DVL1: variants seen among roughly 807,000 people sequenced by gnomAD.
DVL1 encodes dishevelled segment polarity protein 1, also known as segment polarity protein dishevelled homolog DVL-1.
Under a neutral mutation model 65.0 loss-of-function variants are expected in DVL1, and 49 were observed. The observed-to-expected ratio is 0.75, with a 90% confidence interval of 0.60 to 0.96. The LOEUF is 0.96. Among genes scored for constraint, DVL1 ranks in the 40% least tolerant of loss-of-function variants. The probability of loss-of-function intolerance (pLI) is 0.00; values close to 1 mark genes in which losing one functional copy is unlikely to be tolerated. For missense variants in DVL1, 1,197 were observed against 1,045.4 expected (o/e 1.15, Z -2.00); for synonymous variants, 608 against 433.9 (o/e 1.40, Z -4.99).
In DVL1 at chr1:1,340,667, A is replaced by G. The variant is rs368154290; in HGVS notation, c.606-164T>C. The stretch of plus-strand genomic sequence containing the variant: ...CCCAGGCCCTGCACACGTGATATGC[A>G]TATGAGCACACACGAAAATCCCAGA... On this transcript the variant is annotated intron_variant, in intron 5 of 14. Coordinates refer to ENST00000378888, the MANE Select transcript of DVL1 (RefSeq NM_001330311.2). Among the ~76,000 whole-genome samples the G allele has an allele frequency of 3.0e-4, 46 of 152,276 alleles. 2 individuals are homozygous for G. In the East Asian group the frequency reaches 3.9e-3, roughly 13 times the overall value.
chr1:1,341,887 C>A, intron 4 of DVL1, 82 bp from the exon 5 acceptor site: 1 of 1,485,486 alleles, frequency 6.7e-7, no homozygotes. Context: ...GTGCTGCATG[C>A]CTGTGGGTCT....
intron 5 of DVL1, among the ~76,000 whole-genome samples, chr1:1,340,968 C>A (rs1414801658): frequency 6.8e-6 from 1 of 146,528 alleles, no homozygotes; most frequent in Non-Finnish European, 1.5e-5. Context: ...CACTACACAC[C>A]TGCACAGGCA....
At chr1:1,346,960 A>G (rs887044580) in intron 1 of DVL1, among the ~76,000 whole-genome samples, 1 of 152,182 alleles carries the variant, frequency 6.6e-6, no homozygotes, top group Non-Finnish European at 1.5e-5. Flanking sequence ...CGGGGGTTCT[A>G]TTCCACAGAA....
chr1:1,338,832 G>C (rs899409624), intron 11 of DVL1, among the ~76,000 whole-genome samples, 179 bp from the exon 12 acceptor site: 5 of 152,204 alleles, frequency 3.3e-5, no homozygotes, highest in Non-Finnish European at 4.4e-5. Flanking sequence ...GGCGTGAGCA[G>C]GGGGGTTGGA....
chr1:1,340,447 C>G lies in DVL1; in HGVS notation c.662G>C (p.Arg221Pro). Residue 221 changes from arginine to proline, a missense_variant, in exon 6 of 15, where the codon CGC becomes CCC. Coordinates refer to ENST00000378888, the MANE Select transcript of DVL1 (RefSeq NM_001330311.2). ...TSSRLIRKHK[R>P]RRRKQRLRQA... ...CCGAAGGCGCTGCTTCCTCCGCCGG[C>G]GTTTGTGCTTCCGGATGAGTCTGGA... 6.2e-7 allele frequency: 1 copy of G among 1,612,080 alleles called. No homozygotes were observed. Among genetic ancestry groups the G allele is most frequent in the Non-Finnish European group, 8.5e-7 (1 of 1,179,328 alleles).
chr1:1,348,855 G>A (rs746277760), intron 1 of DVL1, 41 bp downstream of exon 1: 35 of 1,467,242 alleles, frequency 2.4e-5, no homozygotes, highest in Admixed American at 9.2e-5. Context: ...TGCGACCCCC[G>A]AGCCCGCGCC....
At position 1,342,002 on chromosome 1, in the gene DVL1, G is replaced by T. The variant is rs750486073; in HGVS notation, c.466+51C>A. Reference sequence around the variant, plus strand: ...GCTGTAGTAGGAACATGGCTCATGGGGGTCCCAGGGAGGCTGGGGGTCCAC... The same window carrying T: ...GCTGTAGTAGGAACATGGCTCATGGTGGTCCCAGGGAGGCTGGGGGTCCAC... On this transcript the variant is annotated intron_variant, in intron 4 of 14. Coordinates refer to ENST00000378888, the MANE Select transcript of DVL1 (RefSeq NM_001330311.2). The T allele has an allele frequency of 3.3e-5, 49 of 1,500,824 alleles. 1 individual carries two copies. In the South Asian group the frequency reaches 5.4e-4, roughly 17 times the overall value. 93.0% of individuals were successfully genotyped at this position (1,500,824 alleles called of 1,614,324 possible). A position where few individuals can be genotyped will look rare whatever the true frequency, so the allele number is the denominator to read the frequency against.
chr1:1,341,057 ATGCACACCTGCACACACGCACCCC>A (rs1339730872), intron 5 of DVL1, among the ~76,000 whole-genome samples: 2 of 142,992 alleles, frequency 1.4e-5, no homozygotes, highest in African/African-American at 5.4e-5. Context: ...CTGCACACAC[ATGCACACCTGCACACACGCACCCC>A]TGCACACAGG....
At chr1:1,339,529 C>T (rs1220697403) in intron 10 of DVL1, 53 bp downstream of exon 10, 1 of 1,560,244 alleles carries the variant, frequency 6.4e-7, no homozygotes, top group Non-Finnish European at 8.7e-7. Flanking sequence ...GGCCTTCAGG[C>T]TAGGTAGGCG....
At position 1,342,432 on chromosome 1, in the gene DVL1, C is replaced by T; in HGVS notation, c.293G>A (p.Ser98Asn). 1 of 1,599,920 alleles carries T rather than the reference C, an allele frequency of 6.3e-7. No individual in the cohort carries two copies. Residue 98 changes from serine (S) to asparagine (N), a missense_variant, in exon 3 of 15, where the codon AGC becomes AAC. Transcript: ENST00000378888. ...AAGAGGCGGGGGCAGGTCTGTGTGGCTGTCCGTGCCCTGGGACCCCGCATC... is the reference window on the plus strand; with the variant it reads ...AAGAGGCGGGGGCAGGTCTGTGTGGTTGTCCGTGCCCTGGGACCCCGCATC... ...HSDAGSQGTD[S>N]HTDLPPPLER...
At chr1:1,343,402 C>T (rs546105304) in intron 1 of DVL1, among the ~76,000 whole-genome samples, 1 of 152,310 alleles carries the variant, frequency 6.6e-6, no homozygotes, top group South Asian at 2.1e-4. Flanking sequence ...TCCACCGCTC[C>T]ACCTCCCAGC....
At chr1:1,345,416 C>G (rs879834501) in intron 1 of DVL1, among the ~76,000 whole-genome samples, 59 of 152,288 alleles carry the variant, frequency 3.9e-4, no homozygotes, top group Admixed American at 3.3e-3. Context: ...CCAGGCAGAG[C>G]CCTGCCGTCC....
In DVL1 at chr1:1,342,119, CGTT is replaced by C. The variant is rs746293279; in HGVS notation, c.397_399del (p.Asn133del). 85 of 1,591,548 alleles carry C rather than the reference CGTT, an allele frequency of 5.3e-5. No individual in the cohort carries two copies. In the Middle Eastern group the frequency reaches 8.3e-4, roughly 15 times the overall value. ...CTGACCATGGACTCCGTGCCTGTCT[CGTT>C]GTCCATCCCGTCACGGCTGCTGGCC... On this transcript the variant is annotated inframe_deletion, in exon 4 of 15. Coordinates refer to ENST00000378888, the MANE Select transcript of DVL1 (RefSeq NM_001330311.2).
intron 1 of DVL1, among the ~76,000 whole-genome samples, chr1:1,342,973 C>A (rs1643871551): frequency 6.6e-6 from 1 of 151,598 alleles, no homozygotes; most frequent in Admixed American, 6.6e-5. Flanking sequence ...GCGGACACCC[C>A]TGCTAACGCA....
At chr1:1,345,187 T>A (rs1643898765) in intron 1 of DVL1, among the ~76,000 whole-genome samples, 1 of 151,928 alleles carries the variant, frequency 6.6e-6, no homozygotes, top group Admixed American at 6.5e-5. Flanking sequence ...GCCTGGGATG[T>A]CCCTGCCCCC....
rs930673784 is a variant in DVL1 at position 1,335,728 on chromosome 1, C to A, written c.*414G>T. 2 of 181,122 alleles carry A rather than the reference C, an allele frequency of 1.1e-5. No homozygotes were observed. Among genetic ancestry groups the A allele is most frequent in the African/African-American group, 2.4e-5 (1 of 41,964 alleles). The allele number at this position is 181,122 out of a possible 1,614,324, so 11.2% of individuals were successfully genotyped here. On this transcript the variant is annotated 3_prime_UTR_variant, in exon 15 of 15. Coordinates refer to ENST00000378888, the MANE Select transcript of DVL1 (RefSeq NM_001330311.2). ...CTCCTCCCCCGAGTCACCGGCCAGG[C>A]AATAAATAAATAAATTAGATCCCTA...
rs757734049 is a variant in DVL1 at position 1,342,428 on chromosome 1, G to A, written c.297C>T (p.His99=). The change falls in exon 3 of 15, where the codon CAC becomes CAT. Residue 99 remains histidine, a synonymous_variant. Transcript: ENST00000378888. ...GCTCAAGAGGCGGGGGCAGGTCTGT[G>A]TGGCTGTCCGTGCCCTGGGACCCCG... The part of the protein sequence containing the change: ...SDAGSQGTDS[H]TDLPPPLERT... The A allele has an allele frequency of 8.1e-6, 13 of 1,598,080 alleles. No homozygotes were observed. In the African/African-American group the frequency reaches 1.6e-4, roughly 20 times the overall value.
chr1:1,343,559 T>TA (rs1481027877), intron 1 of DVL1, among the ~76,000 whole-genome samples: 2 of 152,286 alleles, frequency 1.3e-5, no homozygotes, highest in East Asian at 3.9e-4. Flanking sequence ...CCTATGGCCC[T>TA]ACTCCACCCT....
rs1643624971 is a variant in DVL1, at chr1:1,337,705, T to C, written c.1714+272A>G. On this transcript the variant is annotated intron_variant, in intron 14 of 14. Transcript: ENST00000378888. ...TGAGGTGGGGTCCAGGCTGCCCCTG[T>C]GTGAGACGCTTCCCTGTCCTCCCCA... 7.6e-6 allele frequency: 5 copies of C among 655,752 alleles called. No individual in the cohort carries two copies. In the East Asian group the frequency reaches 1.5e-4, roughly 19 times the overall value. The allele number at this position is 655,752 out of a possible 1,614,324, so 40.6% of individuals were successfully genotyped here.
Sources: allele counts gnomAD v4.1 joint callset (sites outside exome capture counted in the v4.1 genomes callset), GRCh38; gene constraint gnomAD v4.1.1; transcripts MANE v1.5; gene names NCBI Gene and HGNC (gene_info 2026-07-23, HGNC 2026-07-21).